NGEF: variants seen among roughly 807,000 people sequenced by gnomAD.
NGEF encodes the protein neuronal guanine nucleotide exchange factor, also known as ephexin-1.
In NGEF, 31 loss-of-function variants were observed where a neutral mutation model predicts 80.9. That is an observed-to-expected ratio of 0.38 (90% CI 0.29 to 0.52). The LOEUF (loss-of-function observed/expected upper bound fraction) is 0.52. Among genes scored for constraint, NGEF ranks in the 20% least tolerant of loss-of-function variants. The probability of loss-of-function intolerance (pLI) is 0.84; values close to 1 mark genes in which losing one functional copy is unlikely to be tolerated. For synonymous variants in NGEF, 371 were observed against 370.2 expected (o/e 1.00, Z -0.03); for missense variants, 709 against 926.2 (o/e 0.77, Z 3.04).
At chr2:232,956,016 C>T (rs919972629) in intron 3 of NGEF, among the ~76,000 whole-genome samples, 1 of 152,194 alleles carries the variant, frequency 6.6e-6, no homozygotes, top group Non-Finnish European at 1.5e-5. Context: ...CTTCCTCAAT[C>T]TCCCCCAAAC....
At chr2:232,910,420 G>A (rs57833679) in intron 5 of NGEF, among the ~76,000 whole-genome samples, 5,373 of 143,204 alleles carry the variant, frequency 0.038, 240 homozygotes, top group East Asian at 0.27. Flanking sequence ...TTGCTTACCC[G>A]CCACTCACCT....
At chr2:232,996,610 C>T (rs543510949) in intron 1 of NGEF, among the ~76,000 whole-genome samples, 11 of 152,192 alleles carry the variant, frequency 7.2e-5, no homozygotes, top group African/African-American at 2.6e-4. Flanking sequence ...CAAAGTATAA[C>T]TTGATGGTTT....
At chr2:232,899,082 A>C (rs914944862) in intron 5 of NGEF, among the ~76,000 whole-genome samples, 2 of 151,558 alleles carry the variant, frequency 1.3e-5, no homozygotes, top group African/African-American at 4.9e-5. Flanking sequence ...ATTGTGTGTG[A>C]ATGTGTAAAT....
At chr2:232,971,411 G>A (rs888220704) in intron 2 of NGEF, among the ~76,000 whole-genome samples, 3 of 152,198 alleles carry the variant, frequency 2.0e-5, no homozygotes, top group Non-Finnish European at 2.9e-5. Flanking sequence ...AAGGCTAGGC[G>A]CGGTGGCTCA....
Position 233,005,571 on chromosome 2 carries a change from AT to A in NGEF, c.-75+7496del, listed in dbSNP as rs1301679895. The stretch of plus-strand genomic sequence containing the variant: ...ATGCAGTATATTCACAAGGCTCCTT[AT>A]AAGAGGAAGGCAGAAGAGTCAGAGA... On this transcript the variant is annotated intron_variant, in intron 1 of 14. Transcript: ENST00000264051. 2.6e-5 allele frequency among the ~76,000 whole-genome samples: 4 copies of A among 151,844 alleles called. No individual in the cohort carries two copies. The East Asian group carries it at 7.8e-4, about 30-fold the overall frequency.
At chr2:232,882,160 C>T (rs372333163) in intron 13 of NGEF, 26 bp downstream of exon 13, 79 of 1,605,232 alleles carry the variant, frequency 4.9e-5, no homozygotes, top group African/African-American at 4.0e-4. Context: ...GGACAAATGG[C>T]GCCCCCTTAC....
intron 1 of NGEF, among the ~76,000 whole-genome samples, chr2:232,997,520 C>T (rs994893518): frequency 2.6e-5 from 4 of 152,092 alleles, no homozygotes; most frequent in African/African-American, 4.8e-5. Context: ...CTTGGGCCTA[C>T]AGTGGAGATT....
At chr2:232,978,463 C>T (rs913508092) in intron 1 of NGEF, among the ~76,000 whole-genome samples, 1 of 152,104 alleles carries the variant, frequency 6.6e-6, no homozygotes, top group African/African-American at 2.4e-5. Flanking sequence ...TGCAGTGAGC[C>T]GAGATTGCGC....
intron 1 of NGEF, among the ~76,000 whole-genome samples, chr2:233,009,477 C>A (rs1303675581): frequency 6.6e-6 from 1 of 152,072 alleles, no homozygotes; most frequent in East Asian, 1.9e-4. Context: ...CCCACTGCAC[C>A]CGGTTCATAT....
intron 5 of NGEF, among the ~76,000 whole-genome samples, chr2:232,913,459 G>T (rs1692730846): frequency 6.6e-6 from 1 of 152,178 alleles, no homozygotes; most frequent in Non-Finnish European, 1.5e-5. Context: ...GTTGGGTAGA[G>T]TGTTCTAGGA....
In NGEF at chr2:232,888,026, G is replaced by A. The variant is rs1691748733; in HGVS notation, c.1347+7C>T. The stretch of plus-strand genomic sequence containing the variant: ...TGGGATACAGCACAAGAGGAGGTGA[G>A]ACTCACCATTTCCAGCTCCTTGTGA... On this transcript the variant is annotated splice_region_variant and intron_variant, in intron 9 of 14. Coordinates refer to ENST00000264051, the MANE Select transcript of NGEF (RefSeq NM_019850.3). 3 of 1,611,714 alleles carry A rather than the reference G, an allele frequency of 1.9e-6. No homozygotes were observed. The highest frequency in any genetic ancestry group is 2.5e-6 in the Non-Finnish European group (3 of 1,177,906).
intron 5 of NGEF, among the ~76,000 whole-genome samples, chr2:232,908,200 A>G (rs1008729660): frequency 3.9e-5 from 6 of 152,256 alleles, no homozygotes; most frequent in South Asian, 2.1e-4. Flanking sequence ...CATTGGGCAT[A>G]TAAGTTTCTT....
rs768879393 is a variant in NGEF, at chr2:232,888,066, G to A, written c.1314C>T (p.Cys438=). ...KRVEERSERE[C]TALDAHKELE... is the part of the protein sequence containing the mutation. The stretch of plus-strand genomic sequence containing the variant: ...GCTCCTTGTGAGCATCCAAAGCAGT[G>A]CACTCCCGCTCAGACCTCTCTTCTA... The change falls in exon 9 of 15, where the codon TGC becomes TGT. Residue 438 remains cysteine (C), a synonymous_variant. Transcript: ENST00000264051. The A allele has an allele frequency of 6.2e-7, 1 of 1,613,888 alleles. No individual in the cohort carries two copies. Among genetic ancestry groups the A allele is most frequent in the East Asian group, 2.2e-5 (1 of 44,874 alleles).
chr2:232,973,253 T>G (rs1694230428), intron 2 of NGEF, among the ~76,000 whole-genome samples: 2 of 152,244 alleles, frequency 1.3e-5, no homozygotes, highest in South Asian at 4.1e-4. Flanking sequence ...TGTGTGAGAA[T>G]GTGCTTTTAA....
intron 2 of NGEF, among the ~76,000 whole-genome samples, chr2:232,971,816 A>G (rs1694190942): frequency 6.6e-6 from 1 of 152,112 alleles, no homozygotes; most frequent in African/African-American, 2.4e-5. Context: ...GGAGGTCACA[A>G]ACTCGAGGCT....
intron 5 of NGEF, among the ~76,000 whole-genome samples, chr2:232,899,777 C>T: frequency 7.1e-6 from 1 of 141,332 alleles, no homozygotes; most frequent in African/African-American, 2.6e-5. Context: ...CACTCATATA[C>T]ACGTTCACTC....
chr2:232,958,311 G>T (rs146976153), intron 3 of NGEF, among the ~76,000 whole-genome samples: 1 of 152,126 alleles, frequency 6.6e-6, no homozygotes, highest in African/African-American at 2.4e-5. Flanking sequence ...GAGCTGCACG[G>T]AGTGTTCATC....
At chr2:232,923,088 A>C (rs1692979680) in intron 4 of NGEF, among the ~76,000 whole-genome samples, 1 of 151,956 alleles carries the variant, frequency 6.6e-6, no homozygotes, top group South Asian at 2.1e-4. Context: ...AAAACAAAAA[A>C]CAAACAACAA....
At chr2:232,973,135 T>C (rs967143378) in intron 2 of NGEF, among the ~76,000 whole-genome samples, 10 of 152,196 alleles carry the variant, frequency 6.6e-5, no homozygotes, top group Non-Finnish European at 1.0e-4. Context: ...CAGAAGGGTC[T>C]AATGCTTTGC....
Sources: allele counts gnomAD v4.1 joint callset (sites outside exome capture counted in the v4.1 genomes callset), GRCh38; gene constraint gnomAD v4.1.1; transcripts MANE v1.5; gene names NCBI Gene and HGNC (gene_info 2026-07-23, HGNC 2026-07-21).